PPP3CA: variants seen among roughly 807,000 people sequenced by gnomAD.
PPP3CA encodes CAM-PRP catalytic subunit.
A neutral mutation model predicts 66.5 loss-of-function variants in PPP3CA; 14 were observed. The ratio of observed to expected loss-of-function variants is 0.21; its 90% CI spans 0.14 to 0.33. The LOEUF is 0.33. Among genes scored for constraint, PPP3CA ranks in the 10% least tolerant of loss-of-function variants. The pLI is 1.00. For synonymous variants in PPP3CA, 232 were observed against 226.2 expected, an observed-to-expected ratio of 1.03 and a Z score of -0.23; for missense variants, 317 against 639.5, an observed-to-expected ratio of 0.50 and a Z score of 5.44.
At chr4:101,155,228 C>T (rs549715948) in intron 2 of PPP3CA, among the ~76,000 whole-genome samples, 10 of 152,120 alleles carry the variant, frequency 6.6e-5, no homozygotes, top group African/African-American at 9.7e-5. Flanking sequence ...TTCCTTTTGA[C>T]GTGTCCAGTA....
rs1722155557 is a variant in PPP3CA at position 101,124,709 on chromosome 4, GAAAGAAAGAAAGAAAGAGAAAGAA to G, written c.260-15655_260-15632del. ...AGAAAGAAAGAAAGAAAGAAAGAAA[GAAAGAAAGAAAGAAAGAGAAAGAA>G]AGAAAGAAAGAAAGAAAGAAAGAAA... On this transcript the variant is annotated intron_variant, in intron 2 of 13. Coordinates refer to ENST00000394854, the MANE Select transcript of PPP3CA (RefSeq NM_000944.5). 5.1e-3 allele frequency among the ~76,000 whole-genome samples: 497 copies of G among 97,302 alleles called. 1 individual carries two copies. Among genetic ancestry groups the G allele is most frequent in the Non-Finnish European group, 7.1e-3 (351 of 49,474 alleles). 63.8% of individuals were successfully genotyped at this position (97,302 alleles called of 152,430 possible). A position where few individuals can be genotyped will look rare whatever the true frequency, so the allele number is the denominator to read the frequency against.
chr4:101,246,709 GTA>G (rs556190931), intron 1 of PPP3CA, among the ~76,000 whole-genome samples: 1 of 151,818 alleles, frequency 6.6e-6, no homozygotes. Flanking sequence ...GTGTACCTAC[GTA>G]TATATATCTG....
At chr4:101,240,618 CAG>C (rs1351034833) in intron 1 of PPP3CA, among the ~76,000 whole-genome samples, 1 of 152,012 alleles carries the variant, frequency 6.6e-6, no homozygotes, top group Non-Finnish European at 1.5e-5. Flanking sequence ...TTGGGTAAGA[CAG>C]ACACAAAAGA....
chr4:101,306,797 T>C (rs1269677718), intron 1 of PPP3CA, among the ~76,000 whole-genome samples: 1 of 152,206 alleles, frequency 6.6e-6, no homozygotes, highest in African/African-American at 2.4e-5. Context: ...TCATATAGAC[T>C]GCTTATTTTG....
intron 1 of PPP3CA, among the ~76,000 whole-genome samples, chr4:101,212,573 C>G (rs1241366325): frequency 1.3e-5 from 2 of 151,946 alleles, no homozygotes; most frequent in Non-Finnish European, 2.9e-5. Flanking sequence ...ACACGTTTAC[C>G]TACGTAACAA....
rs1730295549 is a variant in PPP3CA at position 101,098,434 on chromosome 4, T to C, written c.575A>G (p.Asn192Ser). ...FDCLPLAALM[N>S]QQFLCVHGGL... ...ACCATGCACACACAGGAACTGTTGG[T>C]TCATCAGGGCAGCCAGGGGAAGGCA... Residue 192 changes from asparagine (N) to serine (S), a missense_variant, in exon 5 of 14, where the codon AAC becomes AGC. Transcript: ENST00000394854. 1.2e-6 allele frequency: 2 copies of C among 1,612,796 alleles called. No individual in the cohort carries two copies. Among genetic ancestry groups the C allele is most frequent in the Non-Finnish European group, 1.7e-6 (2 of 1,179,302 alleles).
At chr4:101,184,485 G>T (rs1724344259) in intron 2 of PPP3CA, among the ~76,000 whole-genome samples, 1 of 151,992 alleles carries the variant, frequency 6.6e-6, no homozygotes, top group South Asian at 2.1e-4. Flanking sequence ...ATAAACATCA[G>T]AAGTAAAAGA....
chr4:101,137,778 A>C (rs1311449654), intron 2 of PPP3CA, among the ~76,000 whole-genome samples: 1 of 151,982 alleles, frequency 6.6e-6, no homozygotes, highest in Admixed American at 6.6e-5. Context: ...GTTTTCTCCT[A>C]ATCTAAATGT....
chr4:101,029,214 G>T lies in PPP3CA; in HGVS notation c.1340-19C>A. 1 of 1,603,984 alleles carries T rather than the reference G, an allele frequency of 6.2e-7. No homozygotes were observed. Among genetic ancestry groups the T allele is most frequent in the Non-Finnish European group, 8.5e-7 (1 of 1,171,216 alleles). On this transcript the variant is annotated intron_variant, in intron 12 of 13. Transcript: ENST00000394854. ...ACAGTAGCTGAAGAGAAGAAAGGGG[G>T]TGCAAAATGAATGAGAAAAATGAGC...
intron 1 of PPP3CA, among the ~76,000 whole-genome samples, chr4:101,207,513 GA>G (rs1277242122): frequency 6.6e-6 from 1 of 152,098 alleles, no homozygotes; most frequent in African/African-American, 2.4e-5. Context: ...AAAATTTATT[GA>G]GAAATACAGC....
intron 1 of PPP3CA, among the ~76,000 whole-genome samples, chr4:101,285,591 C>CTG (rs1394871373): frequency 7.1e-4 from 93 of 131,838 alleles, no homozygotes; most frequent in African/African-American, 2.4e-3. Context: ...TCAAATGCCA[C>CTG]TGTGTGTATG....
At chr4:101,281,166 A>C (rs1727671743) in intron 1 of PPP3CA, among the ~76,000 whole-genome samples, 1 of 152,240 alleles carries the variant, frequency 6.6e-6, no homozygotes, top group African/African-American at 2.4e-5. Context: ...TGACAAAAGA[A>C]GGCTCTGAAG....
At chr4:101,257,598 T>C (rs914066814) in intron 1 of PPP3CA, among the ~76,000 whole-genome samples, 1 of 152,076 alleles carries the variant, frequency 6.6e-6, no homozygotes, top group Non-Finnish European at 1.5e-5. Context: ...GCCTGGCATG[T>C]AGCATGCTCT....
At position 101,296,351 on chromosome 4, in the gene PPP3CA, T is replaced by C. The variant is rs932298551; in HGVS notation, c.58+50388A>G. On this transcript the variant is annotated intron_variant, in intron 1 of 13. Transcript: ENST00000394854. ...TAAAACTAAATATAAGTATTTTGTA[T>C]GTGAAAAATTTTCAGATTATTCATC... Among the ~76,000 whole-genome samples, 44 of 152,286 alleles carry C rather than the reference T, an allele frequency of 2.9e-4. No individual in the cohort carries two copies. In the Middle Eastern group the frequency reaches 0.017, roughly 59 times the overall value.
At chr4:101,231,200 A>C (rs1725949713) in intron 1 of PPP3CA, among the ~76,000 whole-genome samples, 1 of 151,630 alleles carries the variant, frequency 6.6e-6, no homozygotes, top group South Asian at 2.1e-4. Context: ...AGGGCTTAAA[A>C]ACTCCTGAGC....
At chr4:101,285,840 A>C (rs1281730387) in intron 1 of PPP3CA, among the ~76,000 whole-genome samples, 1 of 152,194 alleles carries the variant, frequency 6.6e-6, no homozygotes, top group Non-Finnish European at 1.5e-5. Context: ...ACACAGACCA[A>C]GACTTTGCAG....
In PPP3CA at chr4:101,041,145, GAA is replaced by G. The variant is rs1727495451; in HGVS notation, c.1157-581_1157-580del. Among the ~76,000 whole-genome samples, 3 of 152,230 alleles carry G rather than the reference GAA, an allele frequency of 2.0e-5. No homozygotes were observed. The South Asian group carries it at 6.2e-4, about 32-fold the overall frequency. On this transcript the variant is annotated intron_variant, in intron 10 of 13. Coordinates refer to ENST00000394854, the MANE Select transcript of PPP3CA (RefSeq NM_000944.5). Reference sequence around the variant, plus strand: ...TTCTGGTTGGTTCATGAGTTCTAGAGAAAAGAGTAGAGAACTGCTAAATTGGA... The same window carrying G: ...TTCTGGTTGGTTCATGAGTTCTAGAGAAGAGTAGAGAACTGCTAAATTGGA...
rs1730009308 is a variant in PPP3CA, at chr4:101,346,657, G to A, written c.58+82C>T. On this transcript the variant is annotated intron_variant, in intron 1 of 13. Transcript: ENST00000394854. ...ACAGAGGAGAACCTGGGGCGGGGGAGGGGAGGAAAGGCGAGGCGAGGCAAG... is the reference window on the plus strand; with the variant it reads ...ACAGAGGAGAACCTGGGGCGGGGGAAGGGAGGAAAGGCGAGGCGAGGCAAG... 4.2e-6 allele frequency: 5 copies of A among 1,179,470 alleles called. No homozygotes were observed. The African/African-American group carries it at 5.0e-5, about 12-fold the overall frequency. 73.1% of individuals were successfully genotyped at this position (1,179,470 alleles called of 1,614,324 possible). A position where few individuals can be genotyped will look rare whatever the true frequency, so the allele number is the denominator to read the frequency against.
At chr4:101,218,919 C>G (rs117512972) in intron 1 of PPP3CA, among the ~76,000 whole-genome samples, 10 of 152,060 alleles carry the variant, frequency 6.6e-5, no homozygotes. Flanking sequence ...ATAGTTTTTA[C>G]TGGCTATCCA....
Sources: allele counts gnomAD v4.1 joint callset (sites outside exome capture counted in the v4.1 genomes callset), GRCh38; gene constraint gnomAD v4.1.1; transcripts MANE v1.5; gene names NCBI Gene and HGNC (gene_info 2026-07-23, HGNC 2026-07-21).